Variants in EEA1 observed in about 807,000 individuals in gnomAD.
EEA1 encodes the protein early endosome antigen 1.
A neutral mutation model predicts 209.2 loss-of-function variants in EEA1; 111 were observed. The ratio of observed to expected loss-of-function variants is 0.53; its 90% CI spans 0.45 to 0.62. EEA1 has a LOEUF of 0.62. Among genes scored for constraint, EEA1 ranks in the 20% least tolerant of loss-of-function variants. The probability of loss-of-function intolerance (pLI) is 0.00; values close to 1 mark genes in which losing one functional copy is unlikely to be tolerated. For synonymous variants in EEA1, 536 were observed against 540.6 expected, an observed-to-expected ratio of 0.99 and a Z score of 0.12; for missense variants, 1,343 against 1,530.8, an observed-to-expected ratio of 0.88 and a Z score of 2.05.
intron 11 of EEA1, among the ~76,000 whole-genome samples, chr12:92,831,935 A>G (rs1876664105): frequency 6.7e-6 from 1 of 150,176 alleles, no homozygotes; most frequent in Admixed American, 6.6e-5. Context: ...AATACAAAAA[A>G]AATTAGCCGG....
intron 2 of EEA1, among the ~76,000 whole-genome samples, chr12:92,884,960 A>T (rs1380453638): frequency 4.8e-5 from 7 of 144,696 alleles, no homozygotes; most frequent in African/African-American, 1.0e-4. Flanking sequence ...TTCAATGTAG[A>T]TTTTTTTTTT....
chr12:92,868,794 T>C (rs1347159986), intron 2 of EEA1, among the ~76,000 whole-genome samples: 1 of 151,956 alleles, frequency 6.6e-6, no homozygotes, highest in Admixed American at 6.6e-5. Flanking sequence ...CCTTCTCAAA[T>C]AGATGATATT....
intron 27 of EEA1, 28 bp from the exon 28 acceptor site, chr12:92,776,970 T>TA: frequency 1.9e-6 from 3 of 1,597,340 alleles, no homozygotes; most frequent in Non-Finnish European, 2.6e-6. Context: ...ATCGATATAT[T>TA]ATAGTATTCA....
Position 92,777,670 on chromosome 12 carries a change from T to G in EEA1, c.3894-7A>C. The stretch of plus-strand genomic sequence containing the variant: ...ACCTTCTCCTTTAAGACATCTGGAA[T>G]AGATTGCAAAGAGGTAATTAATTTT... On this transcript the variant is annotated splice_polypyrimidine_tract_variant and splice_region_variant and intron_variant, in intron 26 of 28. Coordinates refer to ENST00000322349, the MANE Select transcript of EEA1 (RefSeq NM_003566.4). 6.2e-7 allele frequency: 1 copy of G among 1,609,594 alleles called. No homozygotes were observed. The highest frequency in any genetic ancestry group is 1.1e-5 in the South Asian group (1 of 90,648).
At position 92,813,684 on chromosome 12, in the gene EEA1, T is replaced by C. The variant is rs115533427; in HGVS notation, c.1930-591A>G. 8.0e-3 allele frequency among the ~76,000 whole-genome samples: 1,213 copies of C among 152,254 alleles called. 25 individuals are homozygous for C. The highest frequency in any genetic ancestry group is 0.027 in the African/African-American group (1,116 of 41,548). On this transcript the variant is annotated intron_variant, in intron 15 of 28. Coordinates refer to ENST00000322349, the MANE Select transcript of EEA1 (RefSeq NM_003566.4). ...TTATCAAAAGTAACACCTTTAAGTG[T>C]TGGAATACCTTTAGTACAACTCACC...
At chr12:92,797,810 T>C (rs1039089873) in intron 21 of EEA1, among the ~76,000 whole-genome samples, 4 of 152,230 alleles carry the variant, frequency 2.6e-5, no homozygotes, top group African/African-American at 9.6e-5. Context: ...AGAACTACTA[T>C]TTTGTAAAGC....
rs145466103 is a variant in EEA1, at chr12:92,897,688, G to A, written c.25-5967C>T. Among the ~76,000 whole-genome samples the A allele has an allele frequency of 3.6e-3, 552 of 152,092 alleles. 2 individuals carry two copies. The highest frequency in any genetic ancestry group is 0.013 in the African/African-American group (527 of 41,456). On this transcript the variant is annotated intron_variant, in intron 1 of 28. Transcript: ENST00000322349. The stretch of plus-strand genomic sequence containing the variant: ...AAGAATCTGGACAACTTGCAGTCAC[G>A]ACCCTCTACCAGTGACAATAGGAAG...
At chr12:92,858,415 AAC>A (rs1565838502) in intron 3 of EEA1, 5 of 1,212,132 alleles carry the variant, frequency 4.1e-6, no homozygotes, top group Middle Eastern at 2.4e-4. Context: ...GCCTTGGAGC[AAC>A]AGTCACCAGA....
chr12:92,857,656 C>CGAT (rs1022460418), intron 3 of EEA1, among the ~76,000 whole-genome samples, 171 bp from the exon 4 acceptor site: 1 of 151,750 alleles, frequency 6.6e-6, no homozygotes, highest in Non-Finnish European at 1.5e-5. Context: ...CTCAGAAAAA[C>CGAT]GATTTTATTC....
chr12:92,892,876 C>T (rs865998108), intron 1 of EEA1, among the ~76,000 whole-genome samples: 3 of 152,160 alleles, frequency 2.0e-5, no homozygotes, highest in South Asian at 4.1e-4. Flanking sequence ...GTGATCCCCC[C>T]ACCTTGGCCT....
chr12:92,886,913 G>A (rs1879433631), intron 2 of EEA1, among the ~76,000 whole-genome samples: 1 of 151,848 alleles, frequency 6.6e-6, no homozygotes, highest in South Asian at 2.1e-4. Flanking sequence ...CAGGAGAATG[G>A]CATGAGCCTG....
intron 2 of EEA1, among the ~76,000 whole-genome samples, chr12:92,879,515 CA>C (rs1222254141): frequency 1.5e-5 from 2 of 135,828 alleles, no homozygotes; most frequent in Admixed American, 7.6e-5. Context: ...AAGCATTTGG[CA>C]ATATTCAAAA....
In EEA1 at chr12:92,906,941, A is replaced by G. The variant is rs185537892; in HGVS notation, c.25-15220T>C. Among the ~76,000 whole-genome samples, 314 of 152,352 alleles carry G rather than the reference A, an allele frequency of 2.1e-3. 1 individual carries two copies. The highest frequency in any genetic ancestry group is 6.9e-3 in the African/African-American group (285 of 41,576). Reference sequence around the variant, plus strand: ...AAAAGTTTGAAAAGCCATTTACTATATGCAGACCTTAAGAACAATGCTTTA... The same window carrying G: ...AAAAGTTTGAAAAGCCATTTACTATGTGCAGACCTTAAGAACAATGCTTTA... On this transcript the variant is annotated intron_variant, in intron 1 of 28. Coordinates refer to ENST00000322349, the MANE Select transcript of EEA1 (RefSeq NM_003566.4).
intron 1 of EEA1, among the ~76,000 whole-genome samples, chr12:92,916,490 T>C (rs2136782977): frequency 6.7e-6 from 1 of 150,078 alleles, no homozygotes; most frequent in South Asian, 2.1e-4. Flanking sequence ...CCGTCTCTAC[T>C]AAAAATACAA....
intron 2 of EEA1, among the ~76,000 whole-genome samples, chr12:92,879,774 G>A (rs140000150): frequency 9.9e-4 from 151 of 152,310 alleles, no homozygotes; most frequent in Middle Eastern, 6.8e-3. Context: ...TTGACATCTG[G>A]TGAAAGTGGG....
At chr12:92,779,367 T>C in intron 24 of EEA1, 67 bp from the exon 25 acceptor site, 1 of 1,403,206 alleles carries the variant, frequency 7.1e-7, no homozygotes, top group Admixed American at 2.9e-5. Context: ...TTGGCTAAAA[T>C]TTATGCAATT....
intron 1 of EEA1, among the ~76,000 whole-genome samples, chr12:92,893,193 C>T (rs1879732568): frequency 6.6e-6 from 1 of 152,166 alleles, no homozygotes; most frequent in Non-Finnish European, 1.5e-5. Flanking sequence ...TTGGATGAAT[C>T]TGAAACCTAG....
intron 11 of EEA1, 65 bp from the exon 12 acceptor site, chr12:92,828,126 T>G: frequency 8.0e-7 from 1 of 1,252,796 alleles, no homozygotes; most frequent in Middle Eastern, 2.0e-4. Context: ...CCACCTACTT[T>G]CCAAACAATG....
At position 92,842,597 on chromosome 12, in the gene EEA1, A is replaced by G. The variant is rs766147401; in HGVS notation, c.799-16T>C. 1 of 1,433,730 alleles carries G rather than the reference A, an allele frequency of 7.0e-7. No individual in the cohort carries two copies. Among genetic ancestry groups the G allele is most frequent in the Non-Finnish European group, 9.6e-7 (1 of 1,038,518 alleles). 88.8% of individuals were successfully genotyped at this position (1,433,730 alleles called of 1,614,324 possible). A position where few individuals can be genotyped will look rare whatever the true frequency, so the allele number is the denominator to read the frequency against. Reference sequence around the variant, plus strand: ...TTATTGTGGCCTAACAAAACAAAACAAAACAAAAATTAAAGCAAACTAAAT... The same window carrying G: ...TTATTGTGGCCTAACAAAACAAAACGAAACAAAAATTAAAGCAAACTAAAT... On this transcript the variant is annotated splice_polypyrimidine_tract_variant and intron_variant, in intron 9 of 28. Coordinates refer to ENST00000322349, the MANE Select transcript of EEA1 (RefSeq NM_003566.4).
Sources: allele counts gnomAD v4.1 joint callset (sites outside exome capture counted in the v4.1 genomes callset), GRCh38; gene constraint gnomAD v4.1.1; transcripts MANE v1.5; gene names NCBI Gene and HGNC (gene_info 2026-07-23, HGNC 2026-07-21).